Variants in NAALADL2 observed in about 807,000 individuals in gnomAD.
NAALADL2 encodes inactive N-acetylated-alpha-linked acidic dipeptidase-like protein 2.
In NAALADL2, 76 loss-of-function variants were observed where a neutral mutation model predicts 87.2. The observed-to-expected ratio is 0.87, with a 90% CI of 0.72 to 1.05. NAALADL2 has a LOEUF of 1.05. Among genes scored for constraint, NAALADL2 ranks in the 50% least tolerant of loss-of-function variants. The pLI, the probability that NAALADL2 is intolerant of heterozygous loss-of-function variation, is 0.00. For synonymous variants in NAALADL2, 354 were observed against 331.0 expected, an observed-to-expected ratio of 1.07 and a Z score of -0.75; for missense variants, 1,089 against 945.8, an observed-to-expected ratio of 1.15 and a Z score of -1.99.
At chr3:175,715,686 G>T (rs916044084) in intron 11 of NAALADL2, among the ~76,000 whole-genome samples, 1 of 151,948 alleles carries the variant, frequency 6.6e-6, no homozygotes, top group Non-Finnish European at 1.5e-5. Context: ...GACCAGCCTG[G>T]TCAACATGGT....
intron 4 of NAALADL2, among the ~76,000 whole-genome samples, chr3:175,261,121 A>G (rs1750951665): frequency 6.6e-6 from 1 of 152,170 alleles, no homozygotes; most frequent in African/African-American, 2.4e-5. Flanking sequence ...CGTATTTATA[A>G]CAGTTTATTT....
chr3:175,116,897 C>G (rs1351323930), intron 2 of NAALADL2, among the ~76,000 whole-genome samples: 1 of 152,098 alleles, frequency 6.6e-6, no homozygotes, highest in East Asian at 1.9e-4. Context: ...CAGCATGGTC[C>G]TGGTACCAAA....
intron 1 of NAALADL2, among the ~76,000 whole-genome samples, chr3:174,444,849 G>A (rs1035404321): frequency 4.3e-4 from 65 of 152,242 alleles, no homozygotes; most frequent in African/African-American, 1.6e-3. Context: ...GTGAAAAACA[G>A]CGATTGGCAA....
chr3:174,969,572 A>G (rs1327807114), intron 1 of NAALADL2, among the ~76,000 whole-genome samples: 1 of 152,196 alleles, frequency 6.6e-6, no homozygotes, highest in East Asian at 1.9e-4. Flanking sequence ...TTGTAACTAA[A>G]ATCCCATAAT....
intron 3 of NAALADL2, among the ~76,000 whole-genome samples, chr3:174,769,041 T>C (rs909060829): frequency 2.0e-5 from 3 of 151,946 alleles, no homozygotes; most frequent in Admixed American, 6.6e-5. Flanking sequence ...ATATTTATTT[T>C]AAAATAGAAG....
intron 13 of NAALADL2, among the ~76,000 whole-genome samples, chr3:175,787,620 C>G (rs1377623150): frequency 6.6e-6 from 1 of 152,172 alleles, no homozygotes; most frequent in African/African-American, 2.4e-5. Context: ...CTGGCGCTCC[C>G]TAGTGAGATG....
At chr3:175,527,843 A>T (rs1304931792) in intron 9 of NAALADL2, among the ~76,000 whole-genome samples, 1 of 152,198 alleles carries the variant, frequency 6.6e-6, no homozygotes, top group Non-Finnish European at 1.5e-5. Context: ...CATACATTTG[A>T]AAAATAGTTA....
intron 9 of NAALADL2, among the ~76,000 whole-genome samples, chr3:175,534,022 C>CATTTATTTATTTATTATAAATAAATT (rs1008744386): frequency 6.9e-6 from 1 of 145,294 alleles, no homozygotes; most frequent in African/African-American, 2.7e-5. Context: ...GTGTCAAATG[C>CATTTATTTATTTATTATAAATAAATT]ATTTATTTAT....
At chr3:175,286,061 G>GT (rs1393062142) in intron 4 of NAALADL2, among the ~76,000 whole-genome samples, 1 of 152,114 alleles carries the variant, frequency 6.6e-6, no homozygotes, top group Admixed American at 6.5e-5. Context: ...ACAAGCTGAG[G>GT]TTACAGGAAA....
chr3:175,376,261 A>T (rs1476130140), intron 5 of NAALADL2, among the ~76,000 whole-genome samples: 1 of 152,066 alleles, frequency 6.6e-6, no homozygotes, highest in Non-Finnish European at 1.5e-5. Flanking sequence ...CACCCTAAAG[A>T]ACTTATTTTA....
intron 2 of NAALADL2, among the ~76,000 whole-genome samples, chr3:174,662,005 A>G (rs759518655): frequency 2.0e-5 from 3 of 152,194 alleles, no homozygotes; most frequent in Non-Finnish European, 2.9e-5. Flanking sequence ...TAATGAAGAC[A>G]TAGTGATTAG....
intron 3 of NAALADL2, among the ~76,000 whole-genome samples, chr3:174,833,222 T>G (rs2109381486): frequency 6.6e-6 from 1 of 152,322 alleles, no homozygotes; most frequent in Non-Finnish European, 1.5e-5. Flanking sequence ...TAATAAAAAA[T>G]GAGAAATGTC....
chr3:174,725,507 T>G (rs955613306), intron 2 of NAALADL2, among the ~76,000 whole-genome samples: 2 of 152,208 alleles, frequency 1.3e-5, no homozygotes, highest in Non-Finnish European at 2.9e-5. Flanking sequence ...AGTTTCAAGG[T>G]GGCTGTACCT....
At chr3:174,861,075 G>C (rs766836564) in intron 1 of NAALADL2, among the ~76,000 whole-genome samples, 2 of 152,040 alleles carry the variant, frequency 1.3e-5, no homozygotes, top group Non-Finnish European at 2.9e-5. Flanking sequence ...TAAAACTTGT[G>C]AAATCAGTTA....
intron 1 of NAALADL2, among the ~76,000 whole-genome samples, chr3:174,980,818 T>G (rs1745010420): frequency 8.4e-6 from 1 of 119,296 alleles, no homozygotes. Context: ...GATTATTGAT[T>G]TAGTATGATA....
chr3:174,561,421 C>T (rs1013319390), intron 2 of NAALADL2, among the ~76,000 whole-genome samples: 7 of 151,826 alleles, frequency 4.6e-5, no homozygotes, highest in African/African-American at 1.5e-4. Context: ...AGAATGGTCT[C>T]GATCTCCTGA....
intron 1 of NAALADL2, among the ~76,000 whole-genome samples, chr3:174,515,750 C>T (rs1348920616): frequency 6.6e-6 from 1 of 150,674 alleles, no homozygotes; most frequent in Non-Finnish European, 1.5e-5. Flanking sequence ...TGGATTGAAT[C>T]ATGGAATTAT....
At chr3:175,753,568 C>T (rs932385339) in intron 12 of NAALADL2, among the ~76,000 whole-genome samples, 9 of 152,126 alleles carry the variant, frequency 5.9e-5, no homozygotes, top group South Asian at 2.1e-4. Context: ...ACATATTTAA[C>T]GTATCAGCTA....
At chr3:175,479,618 C>G (rs1726173859) in intron 9 of NAALADL2, among the ~76,000 whole-genome samples, 1 of 151,650 alleles carries the variant, frequency 6.6e-6, no homozygotes, top group Admixed American at 6.6e-5. Flanking sequence ...TTTTTCAGTG[C>G]AAATACACTT....
Sources: gnomAD v4.1 joint callset for allele counts (sites outside exome capture counted in the v4.1 genomes callset) on GRCh38, gnomAD v4.1.1 for gene constraint, MANE v1.5 for transcripts, NCBI Gene and HGNC (gene_info 2026-07-23, HGNC 2026-07-21) for gene names.